Variants in PLA2G4B observed in about 807,000 individuals in gnomAD.
The protein encoded by PLA2G4B is phospholipase A2 group IVB.
PLA2G4B carries 122 observed loss-of-function variants against 95.8 expected under a neutral mutation model. That is an observed-to-expected ratio of 1.27 (90% CI 1.10 to 1.48). The LOEUF (loss-of-function observed/expected upper bound fraction) is 1.48. Among genes scored for constraint, PLA2G4B ranks in the 40% most tolerant of loss-of-function variants. PLA2G4B has a pLI of 0.00. For synonymous variants in PLA2G4B, 518 were observed against 421.5 expected (o/e 1.23, Z -2.80); for missense variants, 1,158 against 996.2 (o/e 1.16, Z -2.19).
At position 41,847,900 on chromosome 15, in the gene PLA2G4B, C is replaced by G; in HGVS notation, c.*40C>G. 6.3e-7 allele frequency: 1 copy of G among 1,589,108 alleles called. No individual in the cohort carries two copies. Among genetic ancestry groups the G allele is most frequent in the Non-Finnish European group, 8.6e-7 (1 of 1,169,062 alleles). The stretch of plus-strand genomic sequence containing the variant: ...GCCACCCCTAACTCTCATTCATTCC[C>G]TGGCTGCTGAGTTGCAGGTGGGAAC... On this transcript the variant is annotated 3_prime_UTR_variant, in exon 20 of 20. Transcript: ENST00000458483.
intron 1 of PLA2G4B, 130 bp downstream of exon 1, chr15:41,839,052 C>T (rs1019349757): frequency 6.1e-5 from 43 of 708,730 alleles, no homozygotes; most frequent in Non-Finnish European, 8.5e-5. Flanking sequence ...ACCACAAGAC[C>T]AGGGTAGCGG....
At position 41,840,191 on chromosome 15, in the gene PLA2G4B, C is replaced by G. The variant is rs750424910; in HGVS notation, c.43C>G (p.Arg15Gly). 9 of 1,613,278 alleles carry G rather than the reference C, an allele frequency of 5.6e-6. No homozygotes were observed. Among genetic ancestry groups the G allele is most frequent in the Non-Finnish European group, 4.2e-6 (5 of 1,180,002 alleles). Reference protein sequence around the residue: ...EVSRTCLLTVRVLQAHRLPSK... With the variant: ...EVSRTCLLTVGVLQAHRLPSK... ...GTCCAGGACCTGCCTGCTCACGGTT[C>G]GTGTCCTGCAGGCCCATCGCCTACC... The change falls in exon 2 of 20, where the codon CGT becomes GGT. Residue 15 changes from arginine to glycine, a missense_variant. Physicochemically the swap from Arg to Gly is moderately radical, Grantham distance 125. Transcript: ENST00000458483.
intron 4 of PLA2G4B, 33 bp downstream of exon 4, chr15:41,840,938 G>A (rs754888779): frequency 6.2e-7 from 1 of 1,604,174 alleles, no homozygotes; most frequent in Non-Finnish European, 8.5e-7. Context: ...GCCCTAGCTG[G>A]TGTCTGGGTT....
In PLA2G4B at chr15:41,845,264, C is replaced by T; in HGVS notation, c.1301C>T (p.Pro434Leu). The change falls in exon 14 of 20, where the codon CCC becomes CTC. Residue 434 changes from proline to leucine, a missense_variant. Transcript: ENST00000458483. ...CTGAGTCATGGCCAGAACCCTCTGC[C>T]CATCTACTGTGCCCTCAACACCAAA... ...EALSHGQNPLPIYCALNTKGQ... is the reference protein window; with the variant it reads ...EALSHGQNPLLIYCALNTKGQ... 6.2e-7 allele frequency: 1 copy of T among 1,614,186 alleles called. No individual in the cohort carries two copies. The highest frequency in any genetic ancestry group is 8.5e-7 in the Non-Finnish European group (1 of 1,180,014).
chr15:41,840,690 C>T (rs1436699729), intron 3 of PLA2G4B, 30 bp downstream of exon 3: 1 of 1,607,322 alleles, frequency 6.2e-7, no homozygotes, highest in South Asian at 1.1e-5. Context: ...TGACTCTACC[C>T]ACATCCTCGC....
At position 41,841,848 on chromosome 15, in the gene PLA2G4B, C is replaced by A; in HGVS notation, c.520C>A (p.Pro174Thr). 1 of 1,613,556 alleles carries A rather than the reference C, an allele frequency of 6.2e-7. No individual in the cohort carries two copies. Among genetic ancestry groups the A allele is most frequent in the South Asian group, 1.1e-5 (1 of 90,918 alleles). ...AGAGCACAGAGTTCAGCTTGTGGTT[C>A]CTGGGTCCTGTGAGGGTCCGCAGGA... ...SSEHRVQLVV[P>T]GSCEGPQEAS... Residue 174 changes from proline to threonine, a missense_variant, in exon 8 of 20, where the codon CCT (proline) becomes ACT (threonine). Pro to Thr is a conservative substitution (Grantham distance 38). Transcript: ENST00000458483.
chr15:41,840,626 A>G lies in PLA2G4B; in HGVS notation c.185A>G (p.Gln62Arg). ...VKNSSSPVWN[Q>R]SFHFRIHRQL... ...AACAGCAGTAGCCCTGTCTGGAACCAGAGCTTTCACTTCAGGATCCACAGG... is the reference window on the plus strand; with the variant it reads ...AACAGCAGTAGCCCTGTCTGGAACCGGAGCTTTCACTTCAGGATCCACAGG... The change falls in exon 3 of 20, where the codon CAG becomes CGG. Residue 62 changes from glutamine (Q) to arginine (R), a missense_variant. Transcript: ENST00000458483. 1 of 1,613,992 alleles carries G rather than the reference A, an allele frequency of 6.2e-7. No homozygotes were observed.
Position 41,845,622 on chromosome 15 carries a change from C to T in PLA2G4B, c.1358-16C>T, listed in dbSNP as rs201764759. Reference sequence around the variant, plus strand: ...AGGGCTCTGCACCATGAGGCTGAGGCGTGGACTCCTCACAGAGTGGTGCGA... The same window carrying T: ...AGGGCTCTGCACCATGAGGCTGAGGTGTGGACTCCTCACAGAGTGGTGCGA... On this transcript the variant is annotated splice_polypyrimidine_tract_variant and intron_variant, in intron 14 of 19. Transcript: ENST00000458483. 1.1e-5 allele frequency: 18 copies of T among 1,614,018 alleles called. No individual in the cohort carries two copies. Among genetic ancestry groups the T allele is most frequent in the Admixed American group, 3.3e-5 (2 of 59,996 alleles).
At chr15:41,840,101 C>T in intron 1 of PLA2G4B, 57 bp from the exon 2 acceptor site, 3 of 1,588,006 alleles carry the variant, frequency 1.9e-6, no homozygotes, top group South Asian at 2.2e-5. Flanking sequence ...CTTTGTGGCC[C>T]CTGTCACCCT....
chr15:41,839,882 G>A (rs368237799), intron 1 of PLA2G4B: 24 of 408,482 alleles, frequency 5.9e-5, no homozygotes, highest in African/African-American at 3.7e-4. Flanking sequence ...GTGGGCCATC[G>A]TAAATAGTAT....
intron 1 of PLA2G4B, 188 bp from the exon 2 acceptor site, chr15:41,839,970 G>A (rs1225308416): frequency 1.5e-6 from 1 of 665,668 alleles, no homozygotes; most frequent in Non-Finnish European, 2.5e-6. Context: ...AGAGCATTGT[G>A]TAAGTGCTGG....
At chr15:41,840,474 C>T (rs748397782) in intron 2 of PLA2G4B, 50 bp from the exon 3 acceptor site, 22 of 1,611,266 alleles carry the variant, frequency 1.4e-5, no homozygotes, top group Middle Eastern at 1.8e-4. Context: ...TGGGTCTGGG[C>T]GGCTGGGAAG....
At chr15:41,844,356 G>A (rs2065492157) in intron 11 of PLA2G4B, 115 bp from the exon 12 acceptor site, 2 of 1,540,696 alleles carry the variant, frequency 1.3e-6, no homozygotes, top group Admixed American at 3.6e-5. Context: ...CCCAAGACCT[G>A]TGATCAGGCC....
rs374624335 is a variant in PLA2G4B, at chr15:41,845,166, G to A, written c.1240-37G>A. On this transcript the variant is annotated intron_variant, in intron 13 of 19. Transcript: ENST00000458483. ...GGTGGGAAAGGCCCTGGGCACCCAGGCCGCTGTGGGTTTAGGTTCTACGCA... is the reference window on the plus strand; with the variant it reads ...GGTGGGAAAGGCCCTGGGCACCCAGACCGCTGTGGGTTTAGGTTCTACGCA... The A allele has an allele frequency of 3.1e-6, 5 of 1,613,016 alleles. No individual in the cohort carries two copies. The African/African-American group carries it at 6.7e-5, about 22-fold the overall frequency.
chr15:41,842,308 C>T (rs2065447137), intron 9 of PLA2G4B, 32 bp downstream of exon 9: 6 of 1,613,006 alleles, frequency 3.7e-6, no homozygotes, highest in Non-Finnish European at 5.1e-6. Context: ...AAGCAAGGCG[C>T]CTGGATGGGG....
intron 10 of PLA2G4B, among the ~76,000 whole-genome samples, chr15:41,843,385 G>C (rs2065472289): frequency 6.6e-6 from 1 of 152,168 alleles, no homozygotes; most frequent in South Asian, 2.1e-4. Context: ...TTGGAGGGGG[G>C]GGATCTATGG....
Position 41,844,849 on chromosome 15 carries a change from G to A in PLA2G4B, c.1018G>A (p.Ala340Thr). 6.2e-7 allele frequency: 1 copy of A among 1,600,524 alleles called. No homozygotes were observed. Among genetic ancestry groups the A allele is most frequent in the Non-Finnish European group, 8.5e-7 (1 of 1,174,010 alleles). The stretch of plus-strand genomic sequence containing the variant: ...GGCTTTGGCTTTGGCTTTTCCCAGG[G>A]CCTTGGCCAACCTTTATGAGGACCC... ...YITGASGSTW[A>T]LANLYEDPEW... is the part of the protein sequence containing the mutation. The change falls in exon 13 of 20, where the codon GCC (alanine) becomes ACC (threonine). Residue 340 changes from alanine (A) to threonine (T), a missense_variant and splice_region_variant. Ala to Thr is a moderately conservative substitution (Grantham distance 58, BLOSUM62 0). Coordinates refer to ENST00000458483, the MANE Select transcript of PLA2G4B (RefSeq NM_001114633.2).
Position 41,845,934 on chromosome 15 carries a change from C to T in PLA2G4B, c.1496-9C>T, listed in dbSNP as rs776993966. 21 of 1,514,734 alleles carry T rather than the reference C, an allele frequency of 1.4e-5. No individual in the cohort carries two copies. The East Asian group carries it at 4.8e-4, about 34-fold the overall frequency. 93.8% of individuals were successfully genotyped at this position (1,514,734 alleles called of 1,614,324 possible). ...CGGGGGCCCTCTTCCCTCACGGCCG[C>T]TCTTTCAGGTATCTGGAGCAACCTG... On this transcript the variant is annotated splice_polypyrimidine_tract_variant and intron_variant, in intron 15 of 19. Transcript: ENST00000458483.
Position 41,845,032 on chromosome 15 carries a change from C to G in PLA2G4B, c.1201C>G (p.Leu401Val). The change falls in exon 13 of 20, where the codon CTG (leucine) becomes GTG (valine). Residue 401 changes from leucine to valine, a missense_variant. Coordinates refer to ENST00000458483, the MANE Select transcript of PLA2G4B (RefSeq NM_001114633.2). ...GGGCTACCCAAGCTGCTTCACCAAC[C>G]TGTGGGCCCTCATCAACGAGGCGCT... The part of the protein sequence containing the change: ...RLGYPSCFTN[L>V]WALINEALLH... 6.2e-7 allele frequency: 1 copy of G among 1,601,084 alleles called. No homozygotes were observed. Among genetic ancestry groups the G allele is most frequent in the Non-Finnish European group, 8.5e-7 (1 of 1,173,630 alleles).
Sources: gnomAD v4.1 joint callset for allele counts (sites outside exome capture counted in the v4.1 genomes callset) on GRCh38, gnomAD v4.1.1 for gene constraint, MANE v1.5 for transcripts, NCBI Gene and HGNC (gene_info 2026-07-23, HGNC 2026-07-21) for gene names.